The following TBCD variants were observed in gnomAD, a reference collection of about 807,000 sequenced individuals.
TBCD encodes the protein tubulin folding cofactor D.
In TBCD, 105 loss-of-function variants were observed where a neutral mutation model predicts 169.3. The observed-to-expected ratio is 0.62, with a 90% CI of 0.53 to 0.73. The LOEUF (loss-of-function observed/expected upper bound fraction) is 0.73, where lower values mean the gene tolerates loss of function less well. Among genes scored for constraint, TBCD ranks in the 30% least tolerant of loss-of-function variants. The pLI is 0.00. For synonymous variants in TBCD, 700 were observed against 643.9 expected (o/e 1.09, Z -1.32); for missense variants, 1,444 against 1,600.1 (o/e 0.90, Z 1.66).
At position 82,927,207 on chromosome 17, in the gene TBCD, G is replaced by A. The variant is rs766329255; in HGVS notation, c.2493G>A (p.Val831=). 6.2e-7 allele frequency: 1 copy of A among 1,614,048 alleles called. No individual in the cohort carries two copies. Among genetic ancestry groups the A allele is most frequent in the Non-Finnish European group, 8.5e-7 (1 of 1,179,898 alleles). The change falls in exon 29 of 39, where the codon GTG becomes GTA. Residue 831 remains valine, a synonymous_variant. Coordinates refer to ENST00000355528, the MANE Select transcript of TBCD (RefSeq NM_005993.5). The part of the protein sequence containing the change: ...AIARICQTVG[V]KAGAPDEAVC... ...TCAGGATTTGCCAGACTGTTGGTGT[G>A]AAAGCAGGAGCCCCAGACGAAGCTG...
chr17:82,854,210 A>G lies in TBCD; in HGVS notation c.1319-16014A>G, dbSNP rs528725990. 2.6e-5 allele frequency among the ~76,000 whole-genome samples: 4 copies of G among 152,356 alleles called. No individual in the cohort carries two copies. In the East Asian group the frequency reaches 7.7e-4, roughly 29 times the overall value. On this transcript the variant is annotated intron_variant, in intron 13 of 38. Transcript: ENST00000355528. ...TGAATCCGAAAATCCAAAACCGAAAACTTTTTGAATGCTGAGTTGACACTC... is the reference window on the plus strand; with the variant it reads ...TGAATCCGAAAATCCAAAACCGAAAGCTTTTTGAATGCTGAGTTGACACTC...
At chr17:82,819,048 A>G (rs1256975719) in intron 13 of TBCD, among the ~76,000 whole-genome samples, 4 of 152,206 alleles carry the variant, frequency 2.6e-5, no homozygotes, top group African/African-American at 7.2e-5. Flanking sequence ...ACAGAGCAAG[A>G]TCCTGTCTCA....
chr17:82,796,164 G>C (rs2050093805), intron 7 of TBCD: 2 of 152,252 alleles, frequency 1.3e-5, no homozygotes, highest in African/African-American at 4.8e-5. Flanking sequence ...CCACCTCCCA[G>C]GGAATTTGAG....
At chr17:82,913,305 A>C (rs2060779925) in intron 23 of TBCD, 1 of 152,242 alleles carries the variant, frequency 6.6e-6, no homozygotes, top group African/African-American at 2.4e-5. Context: ...CACGACCTTC[A>C]CGTGCTCCCC....
chr17:82,922,932 C>T lies in TBCD; in HGVS notation c.2179-720C>T, dbSNP rs547025325. Among the ~76,000 whole-genome samples, 2 of 152,244 alleles carry T rather than the reference C, an allele frequency of 1.3e-5. No individual in the cohort carries two copies. The highest frequency in any genetic ancestry group is 2.9e-5 in the Non-Finnish European group (2 of 68,044). ...GAGGAGACAGTGGCACTGAGCCCCG[C>T]ACGCGGCGGGACTGGTGACTCTCTG... On this transcript the variant is annotated intron_variant, in intron 25 of 38. Transcript: ENST00000355528. This position sits in a 1 kb window ranked among gnomAD's most constrained non-coding sequence, Gnocchi z 4.1.
At chr17:82,939,755 C>T (rs1229978444) in intron 37 of TBCD, among the ~76,000 whole-genome samples, 1 of 152,258 alleles carries the variant, frequency 6.6e-6, no homozygotes, top group Non-Finnish European at 1.5e-5. Flanking sequence ...AAGGCTGTGT[C>T]TGGTGGCCTG....
chr17:82,764,705 A>G (rs1568099064), intron 3 of TBCD, among the ~76,000 whole-genome samples: 1 of 152,242 alleles, frequency 6.6e-6, no homozygotes, highest in East Asian at 1.9e-4. Context: ...TTGCTGTGCT[A>G]TAGATTTTGA....
At position 82,884,526 on chromosome 17, in the gene TBCD, G is replaced by A. The variant is rs2058593464; in HGVS notation, c.1533+324G>A. ...CTGCACGCTGAAGACGCAGAAGAGA[G>A]TGGGTTCTGCGAGGGTGGCCAGAAT... is the stretch of plus-strand genomic sequence containing the variant. On this transcript the variant is annotated intron_variant, in intron 15 of 38. Transcript: ENST00000355528. The surrounding 1 kb of genome is among the most constrained non-coding windows in gnomAD (Gnocchi z 4.2). Among the ~76,000 whole-genome samples, 2 of 152,238 alleles carry A rather than the reference G, an allele frequency of 1.3e-5. No homozygotes were observed.
At position 82,831,660 on chromosome 17, in the gene TBCD, C is replaced by T. The variant is rs375619355; in HGVS notation, c.1318+16726C>T. ...ACAGCAGGGGTGCGTCACACTCAGG[C>T]GAGCTCCCAGCCAGCAGGTAAGGCG... On this transcript the variant is annotated intron_variant, in intron 13 of 38. Transcript: ENST00000355528. The surrounding 1 kb of genome is among the most constrained non-coding windows in gnomAD (Gnocchi z 4.6). 21 of 1,613,970 alleles carry T rather than the reference C, an allele frequency of 1.3e-5. No individual in the cohort carries two copies. The highest frequency in any genetic ancestry group is 4.0e-5 in the African/African-American group (3 of 74,888).
intron 37 of TBCD, among the ~76,000 whole-genome samples, chr17:82,940,229 A>ACACACCCACT (rs61103963): frequency 1.4e-5 from 2 of 145,438 alleles, no homozygotes; most frequent in Non-Finnish European, 3.1e-5. Flanking sequence ...GCGCACACAC[A>ACACACCCACT]CACACACACA....
At chr17:82,936,113 T>A (rs1225791988) in intron 34 of TBCD, among the ~76,000 whole-genome samples, 1 of 152,216 alleles carries the variant, frequency 6.6e-6, no homozygotes, top group African/African-American at 2.4e-5. Context: ...GTTTGCTCCT[T>A]CCCTGGTTTT....
intron 13 of TBCD, chr17:82,860,238 A>T (rs2056643825): frequency 3.2e-6 from 1 of 309,558 alleles, no homozygotes; most frequent in Non-Finnish European, 4.7e-6. Context: ...GCCAGCGCAC[A>T]GTGTTGAGCA....
chr17:82,757,685 A>C (rs1273359107), intron 2 of TBCD, among the ~76,000 whole-genome samples: 1 of 151,948 alleles, frequency 6.6e-6, no homozygotes, highest in African/African-American at 2.4e-5. Flanking sequence ...TTGGGATCAG[A>C]CTTGTCCTTC....
Position 82,832,118 on chromosome 17 carries a change from C to G in TBCD, c.1318+17184C>G. 1 of 1,614,218 alleles carries G rather than the reference C, an allele frequency of 6.2e-7. No homozygotes were observed. Among genetic ancestry groups the G allele is most frequent in the South Asian group, 1.1e-5 (1 of 91,088 alleles). On this transcript the variant is annotated intron_variant, in intron 13 of 38. Coordinates refer to ENST00000355528, the MANE Select transcript of TBCD (RefSeq NM_005993.5). The surrounding 1 kb of genome is among the most constrained non-coding windows in gnomAD (Gnocchi z 4.9). ...CCCCGGGCTTGCAGCTCCAGGTTTT[C>G]CTTGATGTCTTCCCTGGCAGAGCTG...
intron 14 of TBCD, among the ~76,000 whole-genome samples, chr17:82,879,059 C>CTTTTTTTTTTTT (rs58480407): frequency 4.4e-5 from 5 of 113,992 alleles, no homozygotes; most frequent in African/African-American, 6.7e-5. Context: ...AGATCCTGTT[C>CTTTTTTTTTTTT]TTTTTTTTTT....
chr17:82,792,173 TGGCG>T (rs977256265), intron 7 of TBCD, among the ~76,000 whole-genome samples: 1 of 152,060 alleles, frequency 6.6e-6, no homozygotes, highest in Non-Finnish European at 1.5e-5. Context: ...CCGGGCGTGG[TGGCG>T]GGCGCCTGTA....
intron 33 of TBCD, 80 bp from the exon 34 acceptor site, chr17:82,932,578 C>T: frequency 8.7e-7 from 1 of 1,150,886 alleles, no homozygotes; most frequent in Non-Finnish European, 1.3e-6. Context: ...CCACTGGGAT[C>T]CTGCTGACTC....
chr17:82,917,755 C>T (rs2061152670), intron 23 of TBCD, among the ~76,000 whole-genome samples: 1 of 152,202 alleles, frequency 6.6e-6, no homozygotes, highest in African/African-American at 2.4e-5. Flanking sequence ...GAGGGCTCTA[C>T]CGCTTCTCCC....
At chr17:82,758,667 T>C (rs1057162830) in intron 2 of TBCD, among the ~76,000 whole-genome samples, 21 of 141,770 alleles carry the variant, frequency 1.5e-4, no homozygotes, top group Admixed American at 3.5e-4. Context: ...TTTTCTTTTT[T>C]TTTTTTTTTT....
Sources: allele counts gnomAD v4.1 joint callset (sites outside exome capture counted in the v4.1 genomes callset), GRCh38; gene constraint gnomAD v4.1.1; non-coding constraint Gnocchi (gnomAD v3.1); transcripts MANE v1.5; gene names NCBI Gene and HGNC (gene_info 2026-07-23, HGNC 2026-07-21).